Variants in SYN3 observed in about 807,000 individuals in gnomAD.
The protein encoded by SYN3 is synapsin-3.
In SYN3, 35 loss-of-function variants were observed where a neutral mutation model predicts 65.8. The ratio of observed to expected loss-of-function variants is 0.53; its 90% confidence interval spans 0.41 to 0.70. SYN3 has a LOEUF of 0.70. Ranked by LOEUF, SYN3 falls within the 30% of genes least tolerant of loss-of-function variation. The probability of loss-of-function intolerance (pLI) is 0.00; values close to 1 mark genes in which losing one functional copy is unlikely to be tolerated. For synonymous variants in SYN3, 270 were observed against 292.9 expected, an observed-to-expected ratio of 0.92 and a Z score of 0.80; for missense variants, 680 against 749.0, an observed-to-expected ratio of 0.91 and a Z score of 1.08.
At chr22:32,811,464 G>A (rs911786339) in intron 6 of SYN3, among the ~76,000 whole-genome samples, 1 of 152,182 alleles carries the variant, frequency 6.6e-6, no homozygotes, top group Non-Finnish European at 1.5e-5. Flanking sequence ...GTGATGTGAT[G>A]TTTTCCAGGG....
chr22:33,049,410 C>G (rs774160235), intron 1 of SYN3, among the ~76,000 whole-genome samples: 3 of 152,128 alleles, frequency 2.0e-5, no homozygotes, highest in Non-Finnish European at 4.4e-5. Context: ...GCCCTCCAGC[C>G]CTGCAGAATA....
intron 6 of SYN3, among the ~76,000 whole-genome samples, chr22:32,608,802 G>A (rs932468664): frequency 3.3e-5 from 5 of 152,162 alleles, no homozygotes; most frequent in African/African-American, 1.2e-4. Flanking sequence ...TTGTTGTGAA[G>A]ATTTGAGTTT....
At chr22:32,998,265 T>A (rs1159238870) in intron 2 of SYN3, among the ~76,000 whole-genome samples, 1 of 152,098 alleles carries the variant, frequency 6.6e-6, no homozygotes, top group Non-Finnish European at 1.5e-5. Context: ...AATCTAGAAA[T>A]GCACAAGGTG....
chr22:32,733,165 T>A (rs767802320), intron 6 of SYN3, among the ~76,000 whole-genome samples: 30 of 152,304 alleles, frequency 2.0e-4, no homozygotes, highest in Middle Eastern at 3.4e-3. Flanking sequence ...TCCCAGATTT[T>A]CAACTCTTGA....
intron 6 of SYN3, among the ~76,000 whole-genome samples, chr22:32,598,735 C>T (rs984119207): frequency 6.6e-6 from 1 of 152,100 alleles, no homozygotes; most frequent in African/African-American, 2.4e-5. Context: ...ATCCGCCTGC[C>T]TCAGCCTCCC....
At position 32,684,554 on chromosome 22, in the gene SYN3, T is replaced by C. The variant is rs1023783630; in HGVS notation, c.712-87818A>G. Among the ~76,000 whole-genome samples the C allele has an allele frequency of 1.5e-4, 23 of 152,336 alleles. No homozygotes were observed. In the South Asian group the frequency reaches 4.4e-3, roughly 29 times the overall value. On this transcript the variant is annotated intron_variant, in intron 6 of 13. Transcript: ENST00000358763. ...CAGCAACCACATCATTGTCAAACAT[T>C]GCATTAACACTAACTCTTTACAATG...
At chr22:32,736,682 T>C (rs998151106) in intron 6 of SYN3, among the ~76,000 whole-genome samples, 2 of 152,152 alleles carry the variant, frequency 1.3e-5, no homozygotes, top group Non-Finnish European at 2.9e-5. Context: ...CCAGAATCTA[T>C]GCCCTTAAGA....
At chr22:32,597,895 C>G (rs563437011) in intron 6 of SYN3, among the ~76,000 whole-genome samples, 1 of 152,260 alleles carries the variant, frequency 6.6e-6, no homozygotes, top group East Asian at 1.9e-4. Flanking sequence ...CTGTATACTT[C>G]CCCACACACA....
chr22:32,534,540 A>T lies in SYN3; in HGVS notation c.993-645T>A, dbSNP rs769374825. Among the ~76,000 whole-genome samples, 10 of 152,332 alleles carry T rather than the reference A, an allele frequency of 6.6e-5. No homozygotes were observed. In the South Asian group the frequency reaches 1.0e-3, roughly 16 times the overall value. On this transcript the variant is annotated intron_variant, in intron 9 of 13. Coordinates refer to ENST00000358763, the MANE Select transcript of SYN3 (RefSeq NM_003490.4). Reference sequence around the variant, plus strand: ...CCTTTCCAGCCACTTGATGTCTGCAAGGCCAGTTTGCTTTGCTGGGGACAG... The same window carrying T: ...CCTTTCCAGCCACTTGATGTCTGCATGGCCAGTTTGCTTTGCTGGGGACAG...
chr22:32,845,887 C>A (rs1485276946), intron 6 of SYN3, among the ~76,000 whole-genome samples: 1 of 152,206 alleles, frequency 6.6e-6, no homozygotes, highest in Non-Finnish European at 1.5e-5. Context: ...CTCGGGAGAA[C>A]CCTGATTGCC....
chr22:32,976,722 C>T (rs1008625127), intron 3 of SYN3, among the ~76,000 whole-genome samples: 3 of 152,152 alleles, frequency 2.0e-5, no homozygotes, highest in African/African-American at 4.8e-5. Flanking sequence ...ACGGGCCTCC[C>T]CAGGGTTTCT....
chr22:32,836,793 G>A (rs935554626), intron 6 of SYN3, among the ~76,000 whole-genome samples: 12 of 152,154 alleles, frequency 7.9e-5, no homozygotes. Context: ...TAAAGGTGAG[G>A]AAAGCCTACA....
At chr22:32,901,276 T>C (rs1415647400) in intron 4 of SYN3, among the ~76,000 whole-genome samples, 1 of 152,218 alleles carries the variant, frequency 6.6e-6, no homozygotes, top group Non-Finnish European at 1.5e-5. Flanking sequence ...GTTCAAATCT[T>C]AATTGTGCTT....
chr22:32,636,377 G>A (rs568333090), intron 6 of SYN3, among the ~76,000 whole-genome samples: 9 of 149,700 alleles, frequency 6.0e-5, no homozygotes, highest in Non-Finnish European at 1.2e-4. Context: ...ACTCCAGCCG[G>A]GACGACAAAG....
intron 6 of SYN3, among the ~76,000 whole-genome samples, chr22:32,681,060 G>A (rs2060515649): frequency 1.3e-5 from 2 of 152,226 alleles, no homozygotes; most frequent in South Asian, 4.1e-4. Context: ...AGGGAGGTGG[G>A]AGCTTGCCTG....
chr22:32,990,395 T>TCCAC (rs771650443), intron 2 of SYN3, among the ~76,000 whole-genome samples: 111 of 102,234 alleles, frequency 1.1e-3, no homozygotes, highest in South Asian at 2.5e-3. Context: ...CACCCATCCA[T>TCCAC]CCATCCATCC....
chr22:32,532,188 G>A (rs1389257354), intron 10 of SYN3, among the ~76,000 whole-genome samples: 1 of 152,296 alleles, frequency 6.6e-6, no homozygotes, highest in African/African-American at 2.4e-5. Context: ...CTGGCTCCTG[G>A]AGCAGCGGCT....
At chr22:32,575,462 C>A (rs768953445) in intron 7 of SYN3, among the ~76,000 whole-genome samples, 2 of 152,148 alleles carry the variant, frequency 1.3e-5, no homozygotes, top group Non-Finnish European at 2.9e-5. Flanking sequence ...AGGGCGGCAG[C>A]CTGGTTCTAA....
At chr22:33,002,955 G>T (rs2053103259) in intron 2 of SYN3, among the ~76,000 whole-genome samples, 1 of 152,156 alleles carries the variant, frequency 6.6e-6, no homozygotes, top group South Asian at 2.1e-4. Context: ...TTACCCCCAT[G>T]CTGCTGCTCT....
Sources: gnomAD v4.1 joint callset for allele counts (sites outside exome capture counted in the v4.1 genomes callset) on GRCh38, gnomAD v4.1.1 for gene constraint, MANE v1.5 for transcripts, NCBI Gene and HGNC (gene_info 2026-07-23, HGNC 2026-07-21) for gene names.